The following TNFRSF21 variants were observed in gnomAD, a reference collection of about 807,000 sequenced individuals.
The protein encoded by TNFRSF21 is TNF receptor superfamily member 21.
A neutral mutation model predicts 45.6 loss-of-function variants in TNFRSF21; 19 were observed. That is an observed-to-expected ratio of 0.42 (90% CI 0.29 to 0.61). The LOEUF is 0.61. Ranked by LOEUF, TNFRSF21 falls within the 20% of genes least tolerant of loss-of-function variation. The pLI is 0.23. For synonymous variants in TNFRSF21, 314 were observed against 335.5 expected, an observed-to-expected ratio of 0.94 and a Z score of 0.70; for missense variants, 737 against 851.5, an observed-to-expected ratio of 0.87 and a Z score of 1.67.
intron 3 of TNFRSF21, among the ~76,000 whole-genome samples, chr6:47,274,364 AC>A (rs1192361420): frequency 6.6e-6 from 1 of 152,182 alleles, no homozygotes; most frequent in African/African-American, 2.4e-5. Context: ...TCTTTGACAA[AC>A]CTGACAAAAA....
At chr6:47,247,285 A>G (rs185025530) in intron 4 of TNFRSF21, among the ~76,000 whole-genome samples, 1 of 152,140 alleles carries the variant, frequency 6.6e-6, no homozygotes, top group African/African-American at 2.4e-5. Context: ...AGTTCCCCAG[A>G]GCCTGCAGTC....
intron 1 of TNFRSF21, among the ~76,000 whole-genome samples, chr6:47,300,569 G>A (rs1582362793): frequency 1.3e-5 from 2 of 152,040 alleles, no homozygotes; most frequent in Non-Finnish European, 2.9e-5. Context: ...ACTGCACTCT[G>A]AGTGATGTCC....
chr6:47,275,333 G>A (rs201969753), intron 3 of TNFRSF21, among the ~76,000 whole-genome samples: 9 of 152,036 alleles, frequency 5.9e-5, no homozygotes, highest in Non-Finnish European at 1.0e-4. Flanking sequence ...CCATAAAAAA[G>A]ATGAGTTCAT....
chr6:47,252,969 C>T (rs9473039), intron 4 of TNFRSF21, among the ~76,000 whole-genome samples: 11,073 of 151,942 alleles, frequency 0.073, 535 homozygotes, highest in African/African-American at 0.14. Flanking sequence ...TTACAAATAC[C>T]GATTCACGCT....
chr6:47,253,360 G>C lies in TNFRSF21; in HGVS notation c.1405C>G (p.Arg469Gly), dbSNP rs770016456. The C allele has an allele frequency of 6.2e-7, 1 of 1,614,022 alleles. No individual in the cohort carries two copies. Among genetic ancestry groups the C allele is most frequent in the South Asian group, 1.1e-5 (1 of 91,046 alleles). The change falls in exon 4 of 6, where the codon CGG (arginine) becomes GGG (glycine). Residue 469 changes from arginine to glycine, a missense_variant. Arg to Gly is a moderately radical substitution (Grantham distance 125). Coordinates refer to ENST00000296861, the MANE Select transcript of TNFRSF21 (RefSeq NM_014452.5). ...TGGGCGAGGCTGGCCTCGGGGCCCC[G>C]GATGGTCCAGTGCTGCAGAGCTGCG... ...AYAALQHWTIRGPEASLAQLI... is the reference protein window; with the variant it reads ...AYAALQHWTIGGPEASLAQLI...
chr6:47,281,384 ATT>A (rs763460053), intron 3 of TNFRSF21, among the ~76,000 whole-genome samples: 4 of 144,716 alleles, frequency 2.8e-5, no homozygotes, highest in Admixed American at 7.0e-5. Context: ...TCTATATGTG[ATT>A]TTTTTTTTTT....
chr6:47,258,709 G>A (rs7738971), intron 3 of TNFRSF21, among the ~76,000 whole-genome samples: 10,364 of 152,192 alleles, frequency 0.068, 460 homozygotes, highest in African/African-American at 0.13. Context: ...AAAGTGCTGG[G>A]ACTATAGGAG....
Position 47,234,458 on chromosome 6 carries a change from G to A in TNFRSF21, c.1738+212C>T, listed in dbSNP as rs144676554. 2.9e-3 allele frequency among the ~76,000 whole-genome samples: 439 copies of A among 152,348 alleles called. 2 individuals carry two copies. Among genetic ancestry groups the A allele is most frequent in the African/African-American group, 1.0e-2 (415 of 41,570 alleles). Reference sequence around the variant, plus strand: ...GATAGCTCTCCACCGGGCAGTGCGAGCTGCAAAGATTTTGGAGGCGTGTCT... The same window carrying A: ...GATAGCTCTCCACCGGGCAGTGCGAACTGCAAAGATTTTGGAGGCGTGTCT... On this transcript the variant is annotated intron_variant, in intron 5 of 5. Transcript: ENST00000296861.
intron 1 of TNFRSF21, among the ~76,000 whole-genome samples, chr6:47,296,186 A>C (rs1445345257): frequency 6.6e-6 from 1 of 152,200 alleles, no homozygotes; most frequent in African/African-American, 2.4e-5. Context: ...ATGCAGAAGG[A>C]ATGTTACTCT....
At chr6:47,273,708 G>C (rs929689812) in intron 3 of TNFRSF21, among the ~76,000 whole-genome samples, 1 of 152,184 alleles carries the variant, frequency 6.6e-6, no homozygotes, top group African/African-American at 2.4e-5. Context: ...ATTACGAAAT[G>C]AGGAAGTCAA....
At chr6:47,288,933 C>G (rs1282136350) in intron 1 of TNFRSF21, among the ~76,000 whole-genome samples, 1 of 152,170 alleles carries the variant, frequency 6.6e-6, no homozygotes, top group African/African-American at 2.4e-5. Flanking sequence ...CCTGCAGCCA[C>G]CCAGGAGAGG....
intron 3 of TNFRSF21, among the ~76,000 whole-genome samples, chr6:47,272,635 A>T (rs1034601304): frequency 2.6e-5 from 4 of 152,234 alleles, no homozygotes; most frequent in Non-Finnish European, 5.9e-5. Flanking sequence ...CACATTCAAA[A>T]GCTAGCAGAA....
chr6:47,287,307 CAAAA>C (rs1164380285), intron 1 of TNFRSF21, among the ~76,000 whole-genome samples: 1,234 of 20,590 alleles, frequency 0.06, 6 homozygotes, highest in African/African-American at 0.15. Flanking sequence ...AACTCTTTCT[CAAAA>C]AAAAAAAAAA....
At chr6:47,291,924 G>C (rs1762735028) in intron 1 of TNFRSF21, among the ~76,000 whole-genome samples, 1 of 152,182 alleles carries the variant, frequency 6.6e-6, no homozygotes, top group African/African-American at 2.4e-5. Context: ...TCTTTACAGA[G>C]ACTCAGATGG....
intron 4 of TNFRSF21, 80 bp downstream of exon 4, chr6:47,253,176 T>G: frequency 6.6e-7 from 1 of 1,508,198 alleles, no homozygotes; most frequent in South Asian, 1.3e-5. Flanking sequence ...TTATTTTTCT[T>G]TGTTCCCATA....
chr6:47,244,615 T>C (rs1321136620), intron 4 of TNFRSF21, among the ~76,000 whole-genome samples: 1 of 152,182 alleles, frequency 6.6e-6, no homozygotes, highest in Non-Finnish European at 1.5e-5. Context: ...CCCAAGTTTT[T>C]TTTCTAGTAC....
At chr6:47,265,636 T>G (rs1762322258) in intron 3 of TNFRSF21, among the ~76,000 whole-genome samples, 1 of 152,180 alleles carries the variant, frequency 6.6e-6, no homozygotes, top group African/African-American at 2.4e-5. Flanking sequence ...GAAAATGAAG[T>G]TGATACTTAT....
intron 3 of TNFRSF21, among the ~76,000 whole-genome samples, chr6:47,257,760 T>C (rs16875825): frequency 0.073 from 11,107 of 152,298 alleles, 431 homozygotes; most frequent in Middle Eastern, 0.13. Context: ...ATTTTACTAT[T>C]CCTTTTTAAA....
intron 3 of TNFRSF21, among the ~76,000 whole-genome samples, chr6:47,257,127 G>A (rs1050644699): frequency 1.3e-5 from 2 of 151,824 alleles, no homozygotes; most frequent in African/African-American, 2.4e-5. Flanking sequence ...CGGCCTTTAC[G>A]AAGTAATTAC....
Sources: gnomAD v4.1 joint callset for allele counts (sites outside exome capture counted in the v4.1 genomes callset) on GRCh38, gnomAD v4.1.1 for gene constraint, MANE v1.5 for transcripts, NCBI Gene and HGNC (gene_info 2026-07-23, HGNC 2026-07-21) for gene names.